The following HECW1 variants were observed in gnomAD, a reference collection of about 807,000 sequenced individuals.
HECW1 encodes E3 ubiquitin-protein ligase HECW1.
In HECW1, 61 loss-of-function variants were observed where a neutral mutation model predicts 182.3. The ratio of observed to expected loss-of-function variants is 0.33; its 90% confidence interval spans 0.27 to 0.41. The LOEUF (loss-of-function observed/expected upper bound fraction) is 0.41. HECW1 is among the 10% of genes least tolerant of loss of function. HECW1 has a pLI of 1.00. For synonymous variants in HECW1, 859 were observed against 832.6 expected (o/e 1.03, Z -0.55); for missense variants, 1,739 against 2,108.9 (o/e 0.82, Z 3.44).
chr7:43,332,596 C>T (rs145674509), intron 5 of HECW1, among the ~76,000 whole-genome samples: 3 of 152,304 alleles, frequency 2.0e-5, no homozygotes, highest in East Asian at 1.9e-4. Flanking sequence ...CTGATCACCA[C>T]GGTGTCCAAT....
chr7:43,409,390 TG>T (rs971546550), intron 8 of HECW1, among the ~76,000 whole-genome samples: 2 of 152,204 alleles, frequency 1.3e-5, no homozygotes, highest in African/African-American at 4.8e-5. Context: ...TTATTTTGTA[TG>T]GGGGGAAAGG....
chr7:43,540,684 A>G (rs2081332923), intron 24 of HECW1, among the ~76,000 whole-genome samples: 1 of 152,208 alleles, frequency 6.6e-6, no homozygotes. Context: ...ATCTGCAAGC[A>G]CAACTGCCAT....
chr7:43,410,770 TC>T (rs2075775268), intron 8 of HECW1, among the ~76,000 whole-genome samples: 1 of 152,222 alleles, frequency 6.6e-6, no homozygotes, highest in Non-Finnish European at 1.5e-5. Flanking sequence ...AATATTGCCA[TC>T]TTTTTGTGTT....
chr7:43,195,821 A>T (rs1433942690), intron 2 of HECW1, among the ~76,000 whole-genome samples: 1 of 152,178 alleles, frequency 6.6e-6, no homozygotes, highest in East Asian at 1.9e-4. Context: ...CAAGGGGTGG[A>T]ATACTCATGA....
At position 43,500,738 on chromosome 7, in the gene HECW1, G is replaced by T. The variant is rs778628011; in HGVS notation, c.3477G>T (p.Gly1159=). 1 of 1,613,878 alleles carries T rather than the reference G, an allele frequency of 6.2e-7. No homozygotes were observed. The highest frequency in any genetic ancestry group is 2.2e-5 in the East Asian group (1 of 44,882). Residue 1159 remains glycine (G), a synonymous_variant, in exon 20 of 30, where the codon GGG becomes GGT. Coordinates refer to ENST00000395891, the MANE Select transcript of HECW1 (RefSeq NM_015052.5). ...IHYIRTEGNH[G]LEKLSCDADL... is the part of the protein sequence containing the mutation. ...ACATTCGGACTGAGGGTAATCACGG[G>T]CTTGAGAAGTTGTCCTGTGATGCGG... is the stretch of plus-strand genomic sequence containing the variant.
intron 7 of HECW1, among the ~76,000 whole-genome samples, chr7:43,397,593 A>T (rs1217750128): frequency 6.6e-6 from 1 of 152,162 alleles, no homozygotes; most frequent in African/African-American, 2.4e-5. Context: ...TTTTGTGGGC[A>T]GCGGGTGGAT....
At chr7:43,180,670 C>T (rs1042213199) in intron 2 of HECW1, among the ~76,000 whole-genome samples, 8 of 152,222 alleles carry the variant, frequency 5.3e-5, no homozygotes, top group South Asian at 2.1e-4. Context: ...GCTGGGATTA[C>T]GGGCGTGAGC....
At chr7:43,401,310 C>G (rs2075397488) in intron 7 of HECW1, among the ~76,000 whole-genome samples, 1 of 152,120 alleles carries the variant, frequency 6.6e-6, no homozygotes, top group South Asian at 2.1e-4. Flanking sequence ...ACTTGAGAGT[C>G]TCTCCCGGAA....
At chr7:43,391,195 T>C (rs2075015744) in intron 6 of HECW1, among the ~76,000 whole-genome samples, 1 of 152,236 alleles carries the variant, frequency 6.6e-6, no homozygotes, top group South Asian at 2.1e-4. Context: ...CTTACATCTT[T>C]AGGTGAATGC....
intron 3 of HECW1, among the ~76,000 whole-genome samples, chr7:43,295,042 T>C (rs1045890753): frequency 2.0e-5 from 3 of 152,070 alleles, no homozygotes; most frequent in Non-Finnish European, 4.4e-5. Context: ...AAAAAACAGT[T>C]ACATTCTTTA....
At chr7:43,477,082 T>A (rs910379404) in intron 16 of HECW1, among the ~76,000 whole-genome samples, 1 of 152,164 alleles carries the variant, frequency 6.6e-6, no homozygotes, top group Admixed American at 6.5e-5. Context: ...AATTAGCCCA[T>A]GAGAAAATGT....
intron 2 of HECW1, among the ~76,000 whole-genome samples, chr7:43,155,870 C>G (rs1484651925): frequency 6.6e-6 from 1 of 152,166 alleles, no homozygotes. Flanking sequence ...ACAGCAGATT[C>G]GTGAATGAAC....
At chr7:43,532,821 G>C (rs1227988664) in intron 24 of HECW1, among the ~76,000 whole-genome samples, 2 of 152,190 alleles carry the variant, frequency 1.3e-5, no homozygotes, top group Non-Finnish European at 2.9e-5. Context: ...GATATTTGGT[G>C]GGGTAGGAAG....
chr7:43,468,852 A>G, intron 15 of HECW1, 68 bp from the exon 16 acceptor site: 1 of 1,396,804 alleles, frequency 7.2e-7, no homozygotes, highest in South Asian at 1.3e-5. Context: ...TAGGGTGCTC[A>G]TAGTGTGCTT....
intron 4 of HECW1, among the ~76,000 whole-genome samples, chr7:43,319,393 C>CAAAAAAAAAAAAAAAAAA (rs529109893): frequency 3.0e-5 from 2 of 67,708 alleles, no homozygotes; most frequent in Admixed American, 1.9e-4. Context: ...GACTCCGTCT[C>CAAAAAAAAAAAAAAAAAA]AAAAAAAAAA....
rs772293426 is a variant in HECW1 at position 43,445,126 on chromosome 7, C to T, written c.1954C>T (p.Pro652Ser). ...CGCGGCCCAGGATGGCGACACGCAC[C>T]CCAGCACCGGGAGCGAGAGCGACTC... is the stretch of plus-strand genomic sequence containing the variant. ...NGAAQDGDTH[P>S]STGSESDSSP... Residue 652 changes from proline (P) to serine (S), a missense_variant, in exon 11 of 30, where the codon CCC becomes TCC. By Grantham distance (74) the Pro-to-Ser change is moderately conservative. Transcript: ENST00000395891. 1 of 1,609,278 alleles carries T rather than the reference C, an allele frequency of 6.2e-7. No homozygotes were observed. The highest frequency in any genetic ancestry group is 1.7e-5 in the Admixed American group (1 of 59,932).
intron 4 of HECW1, among the ~76,000 whole-genome samples, chr7:43,315,678 G>C (rs1562825036): frequency 6.6e-6 from 1 of 151,990 alleles, no homozygotes. Flanking sequence ...ATTTTTAGTA[G>C]AGATGGGGTT....
rs559803584 is a variant in HECW1, at chr7:43,164,680, T to G, written c.-32+50289T>G. The stretch of plus-strand genomic sequence containing the variant: ...TGTTTCAGGGCCACTGGACTGGACT[T>G]TCCTTTTGGTGTGGAGGGAGGGAGA... On this transcript the variant is annotated intron_variant, in intron 2 of 29. Coordinates refer to ENST00000395891, the MANE Select transcript of HECW1 (RefSeq NM_015052.5). 3.8e-3 allele frequency among the ~76,000 whole-genome samples: 584 copies of G among 152,306 alleles called. 3 individuals carry two copies. The highest frequency in any genetic ancestry group is 0.014 in the African/African-American group (562 of 41,580).
intron 2 of HECW1, among the ~76,000 whole-genome samples, chr7:43,135,791 T>C (rs925383053): frequency 2.6e-5 from 4 of 152,216 alleles, no homozygotes; most frequent in African/African-American, 9.6e-5. Context: ...AAGATATAGC[T>C]CTAATCCCCT....
Sources: gnomAD v4.1 joint callset for allele counts (sites outside exome capture counted in the v4.1 genomes callset) on GRCh38, gnomAD v4.1.1 for gene constraint, MANE v1.5 for transcripts, NCBI Gene and HGNC (gene_info 2026-07-23, HGNC 2026-07-21) for gene names.